Variants in LRRC37A2 observed in about 807,000 individuals in gnomAD.
The protein encoded by LRRC37A2 is leucine rich repeat containing 37 member A2.
Under a neutral mutation model 68.8 loss-of-function variants are expected in LRRC37A2, and 9 were observed. That is an observed-to-expected ratio of 0.13 (90% CI 0.08 to 0.23). LRRC37A2 has a LOEUF of 0.23. LRRC37A2 is among the 10% of genes least tolerant of loss of function. The pLI, the probability that LRRC37A2 is intolerant of heterozygous loss-of-function variation, is 1.00. For synonymous variants in LRRC37A2, 63 were observed against 367.6 expected (o/e 0.17, Z 9.48); for missense variants, 168 against 950.4 (o/e 0.18, Z 10.82).
the LRRC37A2 span, among the ~76,000 whole-genome samples, chr17:46,798,865 T>C: frequency 1.3e-5 from 2 of 152,034 alleles, no homozygotes; most frequent in African/African-American, 2.4e-5. Flanking sequence ...CTGGCTAACA[T>C]GGGGAAACCC....
At chr17:46,764,910 C>CTTTT in the LRRC37A2 span, among the ~76,000 whole-genome samples, 1 of 152,220 alleles carries the variant, frequency 6.6e-6, no homozygotes, top group East Asian at 1.9e-4. Context: ...AGCCCAGGAG[C>CTTTT]AGGTCACTCA....
the LRRC37A2 span, among the ~76,000 whole-genome samples, chr17:46,968,528 C>T: frequency 0.43 from 65,635 of 151,782 alleles, 14,340 homozygotes; most frequent in South Asian, 0.51. Context: ...GGAAGAGCAC[C>T]ATGCCAAGCT....
At chr17:46,818,651 C>T in the LRRC37A2 span, 1 of 1,481,578 alleles carries the variant, frequency 6.7e-7, no homozygotes. Context: ...GGGGGAGCGA[C>T]GCCCCCAATA....
chr17:46,980,812 G>C, the LRRC37A2 span, among the ~76,000 whole-genome samples: 1 of 151,778 alleles, frequency 6.6e-6, no homozygotes, highest in Non-Finnish European at 1.5e-5. Context: ...CAGCCTGGGT[G>C]ACAGAGCGAG....
the LRRC37A2 span, chr17:46,704,800 C>T: frequency 6.2e-7 from 1 of 1,608,056 alleles, no homozygotes; most frequent in Non-Finnish European, 8.5e-7. Context: ...AAGCAGAAAG[C>T]CTGCAAGTGA....
At chr17:46,860,281 C>T in the LRRC37A2 span, among the ~76,000 whole-genome samples, 3 of 152,192 alleles carry the variant, frequency 2.0e-5, no homozygotes, top group Non-Finnish European at 4.4e-5. Context: ...GGGCTGGAAT[C>T]TCCTAAGGAA....
At chr17:46,794,705 C>T in the LRRC37A2 span, among the ~76,000 whole-genome samples, 1 of 151,958 alleles carries the variant, frequency 6.6e-6, no homozygotes, top group Non-Finnish European at 1.5e-5. Flanking sequence ...TCTCGACCTC[C>T]TTCCACCAGC....
the LRRC37A2 span, among the ~76,000 whole-genome samples, chr17:46,859,952 T>C: frequency 6.6e-6 from 1 of 152,266 alleles, no homozygotes; most frequent in African/African-American, 2.4e-5. Context: ...TTAGATAGTA[T>C]TGTTTTTATT....
chr17:46,751,568 C>T, the LRRC37A2 span: 1 of 1,614,036 alleles, frequency 6.2e-7, no homozygotes, highest in South Asian at 1.1e-5. Flanking sequence ...GGAAGAAGGT[C>T]TGGATAGGAA....
the LRRC37A2 span, among the ~76,000 whole-genome samples, chr17:46,889,717 T>C: frequency 6.6e-6 from 1 of 152,154 alleles, no homozygotes; most frequent in East Asian, 1.9e-4. Flanking sequence ...TTGTTTATTC[T>C]GAAAGTGTCA....
At chr17:46,863,837 G>C in the LRRC37A2 span, among the ~76,000 whole-genome samples, 1 of 152,144 alleles carries the variant, frequency 6.6e-6, no homozygotes, top group East Asian at 1.9e-4. Flanking sequence ...CTATTCCCAA[G>C]GGAGCCGCTC....
the LRRC37A2 span, among the ~76,000 whole-genome samples, chr17:47,021,035 G>A: frequency 6.6e-6 from 1 of 151,964 alleles, no homozygotes; most frequent in South Asian, 2.1e-4. Context: ...CTACAGGTAT[G>A]GTTGGAATTT....
chr17:46,877,177 T>G, the LRRC37A2 span: 1 of 761,690 alleles, frequency 1.3e-6, no homozygotes, highest in Non-Finnish European at 1.6e-6. Context: ...CTGGCTGAGA[T>G]GGGTCAATCG....
chr17:46,869,864 T>G, the LRRC37A2 span, among the ~76,000 whole-genome samples: 32 of 152,112 alleles, frequency 2.1e-4, no homozygotes, highest in Non-Finnish European at 4.0e-4. Context: ...CCAGGGATGG[T>G]GGCGCACACC....
the LRRC37A2 span, among the ~76,000 whole-genome samples, chr17:46,693,517 A>G: frequency 1.9e-4 from 27 of 142,494 alleles, no homozygotes; most frequent in African/African-American, 4.6e-4. Context: ...CTTCTGGGGG[A>G]AAAAAAAAAA....
the LRRC37A2 span, among the ~76,000 whole-genome samples, chr17:46,860,627 T>C: frequency 6.6e-6 from 1 of 152,238 alleles, no homozygotes; most frequent in African/African-American, 2.4e-5. Flanking sequence ...GCTATCTCTA[T>C]ATAAGGATTC....
chr17:46,938,322 A>G, the LRRC37A2 span, among the ~76,000 whole-genome samples: 1 of 152,200 alleles, frequency 6.6e-6, no homozygotes, highest in African/African-American at 2.4e-5. Context: ...AGAGATACAT[A>G]TATATAAAAT....
the LRRC37A2 span, among the ~76,000 whole-genome samples, chr17:46,840,453 A>G: frequency 6.6e-6 from 1 of 152,254 alleles, no homozygotes; most frequent in East Asian, 1.9e-4. Context: ...TATTGTGAAT[A>G]GCACCACAAT....
chr17:46,500,486 CA>C, the LRRC37A2 span, among the ~76,000 whole-genome samples: 1 of 149,550 alleles, frequency 6.7e-6, no homozygotes, highest in Non-Finnish European at 1.5e-5. Flanking sequence ...AACAATTTAC[CA>C]GATGATTTTT....
Sources: gnomAD v4.1 joint callset for allele counts (sites outside exome capture counted in the v4.1 genomes callset) on GRCh38, gnomAD v4.1.1 for gene constraint, MANE v1.5 for transcripts, NCBI Gene and HGNC (gene_info 2026-07-23, HGNC 2026-07-21) for gene names.